Variants in SLC40A1 observed in about 807,000 individuals in gnomAD.
The protein encoded by SLC40A1 is ferroportin.
Under a neutral mutation model 53.5 loss-of-function variants are expected in SLC40A1, and 16 were observed. That is an observed-to-expected ratio of 0.30 (90% confidence interval 0.20 to 0.45). SLC40A1 has a LOEUF of 0.45. SLC40A1 is among the 20% of genes least tolerant of loss of function. The probability of loss-of-function intolerance (pLI) is 1.00; values close to 1 mark genes in which losing one functional copy is unlikely to be tolerated. For missense variants in SLC40A1, 545 were observed against 695.4 expected (o/e 0.78, Z 2.43); for synonymous variants, 247 against 253.2 (o/e 0.98, Z 0.23).
intron 4 of SLC40A1, 24 bp downstream of exon 4, chr2:189,572,822 T>G: frequency 6.7e-7 from 1 of 1,502,694 alleles, no homozygotes; most frequent in Non-Finnish European, 9.3e-7. Flanking sequence ...TTTTCTGCCA[T>G]CAAGAATCTC....
rs1323634407 is a variant in SLC40A1 at position 189,561,537 on chromosome 2, GA to G, written c.*340del. ...ACTGACATATCTGAATTCTAGTACAGATAAGAATCTGTCAAATGATAACTGA... is the reference window on the plus strand; with the variant it reads ...ACTGACATATCTGAATTCTAGTACAGTAAGAATCTGTCAAATGATAACTGA... On this transcript the variant is annotated 3_prime_UTR_variant, in exon 8 of 8. Coordinates refer to ENST00000261024, the MANE Select transcript of SLC40A1 (RefSeq NM_014585.6). The G allele has an allele frequency of 3.5e-5, 9 of 254,754 alleles. No homozygotes were observed. In the East Asian group the frequency reaches 8.6e-4, roughly 24 times the overall value. 15.8% of individuals were successfully genotyped at this position (254,754 alleles called of 1,614,324 possible). A position where few individuals can be genotyped will look rare whatever the true frequency, so the allele number is the denominator to read the frequency against.
intron 2 of SLC40A1, among the ~76,000 whole-genome samples, chr2:189,575,628 G>A (rs11690401): frequency 0.22 from 33,126 of 152,098 alleles, 3,948 homozygotes; most frequent in Non-Finnish European, 0.26. Flanking sequence ...AGACAAAAAC[G>A]TGTTCTCCTG....
intron 5 of SLC40A1, among the ~76,000 whole-genome samples, chr2:189,568,255 G>A (rs911171286): frequency 2.0e-5 from 3 of 151,958 alleles, no homozygotes; most frequent in Admixed American, 6.5e-5. Flanking sequence ...TTGGGAGGCC[G>A]AGGCGGGTGG....
chr2:189,563,459 G>C (rs75162690), intron 7 of SLC40A1, 125 bp downstream of exon 7: 2 of 744,684 alleles, frequency 2.7e-6, no homozygotes, highest in South Asian at 2.4e-5. Context: ...TAAAAATTTC[G>C]TAAGAGTGGA....
Position 189,562,087 on chromosome 2 carries a change from G to C in SLC40A1, c.1507C>G (p.Leu503Val). 1 of 1,614,042 alleles carries C rather than the reference G, an allele frequency of 6.2e-7. No individual in the cohort carries two copies. The highest frequency in any genetic ancestry group is 8.5e-7 in the Non-Finnish European group (1 of 1,179,924). ...NGVQNSMNYL[L>V]DLLHFIMVIL... ...ACCATGATGAAATGCAGAAGATCAA[G>C]AAGATAGTTCATGGAGTTCTGTACA... The change falls in exon 8 of 8, where the codon CTT becomes GTT. Residue 503 changes from leucine to valine, a missense_variant. By Grantham distance (32) the Leu-to-Val change is conservative. Coordinates refer to ENST00000261024, the MANE Select transcript of SLC40A1 (RefSeq NM_014585.6).
Position 189,561,428 on chromosome 2 carries a change from T to C in SLC40A1, c.*450A>G, listed in dbSNP as rs2030735049. On this transcript the variant is annotated 3_prime_UTR_variant, in exon 8 of 8. Transcript: ENST00000261024. Reference sequence around the variant, plus strand: ...ATTAGTTATCAAAATTTAGTCTTCATACTTGAAGAATTTGTTTTTAAAAAT... The same window carrying C: ...ATTAGTTATCAAAATTTAGTCTTCACACTTGAAGAATTTGTTTTTAAAAAT... 6.0e-6 allele frequency: 1 copy of C among 167,858 alleles called. No individual in the cohort carries two copies. The allele number at this position is 167,858 out of a possible 1,614,324, so 10.4% of individuals were successfully genotyped here.
intron 4 of SLC40A1, chr2:189,572,632 A>G (rs1224563838): frequency 3.4e-6 from 2 of 596,094 alleles, no homozygotes; most frequent in East Asian, 2.8e-5. Context: ...TTAGAAACCA[A>G]TAGGACAAAA....
rs769066213 is a variant in SLC40A1, at chr2:189,560,862, T to C, written c.*1016A>G. ...TTTCTTCTATTCTTCTCAAAGGCAT[T>C]TGAAAGGGATACTTTTATGAATATT... is the stretch of plus-strand genomic sequence containing the variant. On this transcript the variant is annotated 3_prime_UTR_variant, in exon 8 of 8. Transcript: ENST00000261024. The C allele has an allele frequency of 1.3e-5, 2 of 152,512 alleles. No homozygotes were observed. Among genetic ancestry groups the C allele is most frequent in the African/African-American group, 2.4e-5 (1 of 41,468 alleles). The allele number at this position is 152,512 out of a possible 1,614,324, so 9.4% of individuals were successfully genotyped here. A position where few individuals can be genotyped will look rare whatever the true frequency, so the allele number is the denominator to read the frequency against.
At chr2:189,573,063 A>G in intron 3 of SLC40A1, 102 bp from the exon 4 acceptor site, 1 of 842,052 alleles carries the variant, frequency 1.2e-6, no homozygotes, top group Admixed American at 1.9e-5. Flanking sequence ...TAATACACAG[A>G]CCTAATTATT....
Position 189,580,772 on chromosome 2 carries a change from G to GCCA in SLC40A1, c.-313_-312insTGG. 9.1e-7 allele frequency: 1 copy of GCCA among 1,101,008 alleles called. No individual in the cohort carries two copies. The highest frequency in any genetic ancestry group is 1.2e-6 in the Non-Finnish European group (1 of 849,304). 68.2% of individuals were successfully genotyped at this position (1,101,008 alleles called of 1,614,324 possible). ...CGGACGCCCTGAGCCAGCTCTCTCC[G>GCCA]CCGCCGCCGCCGCCGCCGTGGGCCG... is the stretch of plus-strand genomic sequence containing the variant. On this transcript the variant is annotated 5_prime_UTR_variant, in exon 1 of 8. Coordinates refer to ENST00000261024, the MANE Select transcript of SLC40A1 (RefSeq NM_014585.6).
Position 189,571,793 on chromosome 2 carries a change from C to T in SLC40A1, c.436G>A (p.Ala146Thr), listed in dbSNP as rs1031328628. Residue 146 changes from alanine to threonine, a missense_variant, in exon 5 of 8, where the codon GCC becomes ACC. By Grantham distance (58) the Ala-to-Thr change is moderately conservative. This residue lies in a region of SLC40A1 where 197 missense variants were observed against 278.8 expected (regional missense o/e 0.71). Coordinates refer to ENST00000261024, the MANE Select transcript of SLC40A1 (RefSeq NM_014585.6). ...ATTGTGATTGCAGTAGCAGTACTGG[C>T]CAAATTTGCAATATTTGCAATAGTG... Reference protein sequence around the residue: ...IITIANIANLASTATAITIQR... With the variant: ...IITIANIANLTSTATAITIQR... 1 of 1,613,230 alleles carries T rather than the reference C, an allele frequency of 6.2e-7. No individual in the cohort carries two copies. Among genetic ancestry groups the T allele is most frequent in the African/African-American group, 1.3e-5 (1 of 74,944 alleles).
intron 4 of SLC40A1, chr2:189,572,544 A>G: frequency 2.3e-6 from 1 of 437,450 alleles, no homozygotes. Flanking sequence ...CATTTATTAA[A>G]TAGCACAAAC....
rs765023388 is a variant in SLC40A1, at chr2:189,565,578, C to G, written c.536G>C (p.Arg179Thr). ...TAAGATGTTGGTTAACTGGTCAATC[C>G]TTCGTATTGTGGCATTCATATCTAG... Reference protein sequence around the residue: ...KLANMNATIRRIDQLTNILAP... With the variant: ...KLANMNATIRTIDQLTNILAP... Residue 179 changes from arginine to threonine, a missense_variant, in exon 6 of 8, where the codon AGG (arginine) becomes ACG (threonine). Coordinates refer to ENST00000261024, the MANE Select transcript of SLC40A1 (RefSeq NM_014585.6). 2 of 1,614,218 alleles carry G rather than the reference C, an allele frequency of 1.2e-6. No homozygotes were observed. The highest frequency in any genetic ancestry group is 1.7e-6 in the Non-Finnish European group (2 of 1,180,038).
intron 5 of SLC40A1, among the ~76,000 whole-genome samples, chr2:189,566,024 A>ATGTGTGTG (rs149895089): frequency 6.6e-6 from 1 of 151,216 alleles, no homozygotes; most frequent in Non-Finnish European, 1.5e-5. Context: ...CAACAAGCAT[A>ATGTGTGTG]TGTGTGTGTG....
At position 189,580,733 on chromosome 2, in the gene SLC40A1, T is replaced by C; in HGVS notation, c.-273A>G. ...GAAGCGGTTTGGGAGGCTCAGCAGG[T>C]CGTCCGAGCCTAGCGGACGCCCTGA... On this transcript the variant is annotated 5_prime_UTR_variant, in exon 1 of 8. Transcript: ENST00000261024. The C allele has an allele frequency of 7.3e-7, 1 of 1,363,502 alleles. No individual in the cohort carries two copies. The highest frequency in any genetic ancestry group is 9.5e-7 in the Non-Finnish European group (1 of 1,056,582). The allele number at this position is 1,363,502 out of a possible 1,614,324, so 84.5% of individuals were successfully genotyped here. A position where few individuals can be genotyped will look rare whatever the true frequency, so the allele number is the denominator to read the frequency against.
In SLC40A1 at chr2:189,563,584, C is replaced by T. The variant is rs770079873; in HGVS notation, c.1402G>A (p.Gly468Ser). ...LFAGVIAARI[G>S]LWSFDLTVTQ... is the part of the protein sequence containing the mutation. ...TAATATATAAAAAGAGATTTCTTAC[C>T]GATTCTAGCAGCAATGACGCCTGCA... The change falls in exon 7 of 8, where the codon GGT becomes AGT. Residue 468 changes from glycine to serine, a missense_variant and splice_region_variant. Physicochemically the swap from Gly to Ser is moderately conservative, Grantham distance 56. Coordinates refer to ENST00000261024, the MANE Select transcript of SLC40A1 (RefSeq NM_014585.6). 8 of 1,612,722 alleles carry T rather than the reference C, an allele frequency of 5.0e-6. No homozygotes were observed. Among genetic ancestry groups the T allele is most frequent in the Middle Eastern group, 1.7e-4 (1 of 6,052 alleles).
chr2:189,580,082 T>C (rs1263431354), intron 1 of SLC40A1, among the ~76,000 whole-genome samples: 1 of 152,234 alleles, frequency 6.6e-6, no homozygotes, highest in Non-Finnish European at 1.5e-5. Context: ...GTTATTGACC[T>C]AGTCAATAAC....
In SLC40A1 at chr2:189,561,342, G is replaced by C. The variant is rs965035269; in HGVS notation, c.*536C>G. Reference sequence around the variant, plus strand: ...AACCTTATTAGAGAATTCTAGTTAAGTGTTTTGTTTTTCCACATACATGTA... The same window carrying C: ...AACCTTATTAGAGAATTCTAGTTAACTGTTTTGTTTTTCCACATACATGTA... On this transcript the variant is annotated 3_prime_UTR_variant, in exon 8 of 8. Transcript: ENST00000261024. 2 of 154,918 alleles carry C rather than the reference G, an allele frequency of 1.3e-5. No individual in the cohort carries two copies. The highest frequency in any genetic ancestry group is 4.8e-5 in the African/African-American group (2 of 41,444). 9.6% of individuals were successfully genotyped at this position (154,918 alleles called of 1,614,324 possible).
Position 189,572,895 on chromosome 2 carries a change from A to G in SLC40A1, c.338T>C (p.Val113Ala), listed in dbSNP as rs1400078305. The G allele has an allele frequency of 7.4e-6, 12 of 1,613,922 alleles. No individual in the cohort carries two copies. The highest frequency in any genetic ancestry group is 8.5e-6 in the Non-Finnish European group (10 of 1,179,916). The change falls in exon 4 of 8, where the codon GTT (valine) becomes GCT (alanine). Residue 113 changes from valine (V) to alanine (A), a missense_variant. By Grantham distance (64) the Val-to-Ala change is moderately conservative. This residue lies in a region of SLC40A1 where 197 missense variants were observed against 278.8 expected (regional missense o/e 0.71). Transcript: ENST00000261024. ...CAGAAGCTCATGTTTATGTAAGAAAACCATCATCAGGATGATTCCACACAG... is the reference window on the plus strand; with the variant it reads ...CAGAAGCTCATGTTTATGTAAGAAAGCCATCATCAGGATGATTCCACACAG... Reference protein sequence around the residue: ...VILCGIILMMVFLHKHELLTM... With the variant: ...VILCGIILMMAFLHKHELLTM...
Sources: gnomAD v4.1 joint callset for allele counts (sites outside exome capture counted in the v4.1 genomes callset) on GRCh38, gnomAD v4.1.1 for gene constraint, gnomAD v4.1.1 regional missense constraint, MANE v1.5 for transcripts, NCBI Gene and HGNC (gene_info 2026-07-23, HGNC 2026-07-21) for gene names.